The following NCALD variants were observed in gnomAD, a reference collection of about 807,000 sequenced individuals.
NCALD encodes neurocalcin delta, also known as neurocalcin-delta.
In NCALD, 10 loss-of-function variants were observed where a neutral mutation model predicts 18.6. That is an observed-to-expected ratio of 0.54 (90% CI 0.33 to 0.91). The LOEUF (loss-of-function observed/expected upper bound fraction) is 0.91. Ranked by LOEUF, NCALD falls within the 40% of genes least tolerant of loss-of-function variation. The pLI is 0.03. For synonymous variants in NCALD, 88 were observed against 87.4 expected (o/e 1.01, Z -0.04); for missense variants, 184 against 247.6 (o/e 0.74, Z 1.72).
chr8:101,863,605 C>T (rs1815636206), intron 4 of NCALD, among the ~76,000 whole-genome samples: 1 of 152,166 alleles, frequency 6.6e-6, no homozygotes, highest in Non-Finnish European at 1.5e-5. Context: ...TGTGGGAGGG[C>T]AGGTCTCCAT....
chr8:101,809,333 G>A (rs1813223371), intron 4 of NCALD, among the ~76,000 whole-genome samples: 1 of 152,110 alleles, frequency 6.6e-6, no homozygotes, highest in Non-Finnish European at 1.5e-5. Flanking sequence ...CCTTTTTGCA[G>A]TTTGAATGAG....
intron 4 of NCALD, among the ~76,000 whole-genome samples, chr8:101,831,697 C>T (rs1402215909): frequency 1.3e-5 from 2 of 152,100 alleles, no homozygotes; most frequent in Non-Finnish European, 2.9e-5. Context: ...CTTTCCTGTG[C>T]CCCCAGCATC....
intron 3 of NCALD, among the ~76,000 whole-genome samples, chr8:101,889,279 C>G (rs1185171802): frequency 6.6e-6 from 1 of 152,190 alleles, no homozygotes; most frequent in African/African-American, 2.4e-5. Flanking sequence ...TGCTTCTAGG[C>G]TGTTACATGA....
intron 2 of NCALD, among the ~76,000 whole-genome samples, chr8:101,709,948 T>G (rs368277903): frequency 5.3e-5 from 8 of 152,194 alleles, no homozygotes; most frequent in African/African-American, 1.9e-4. Flanking sequence ...GTTCCTAAAT[T>G]TGTCACTTAT....
At chr8:101,891,150 C>A (rs1816859110) in intron 3 of NCALD, among the ~76,000 whole-genome samples, 1 of 151,734 alleles carries the variant, frequency 6.6e-6, no homozygotes, top group African/African-American at 2.4e-5. Context: ...TTTTTTTTTA[C>A]ATTTCCACAT....
intron 4 of NCALD, among the ~76,000 whole-genome samples, chr8:101,796,466 G>C (rs938064869): frequency 2.0e-5 from 3 of 152,000 alleles, no homozygotes; most frequent in Non-Finnish European, 2.9e-5. Context: ...GCAAACTGGA[G>C]AATCCTCACG....
At chr8:101,815,600 C>A (rs893843118) in intron 4 of NCALD, among the ~76,000 whole-genome samples, 1 of 152,036 alleles carries the variant, frequency 6.6e-6, no homozygotes, top group African/African-American at 2.4e-5. Context: ...AAATGAGATA[C>A]TACAACACAT....
chr8:101,872,013 G>A (rs1435214961), intron 4 of NCALD: 29 of 993,798 alleles, frequency 2.9e-5, no homozygotes, highest in Middle Eastern at 3.0e-4. Flanking sequence ...CCAGAGGACC[G>A]ATCAACTGAG....
At chr8:102,082,226 C>CTTTTTTTTTTTTTTTT (rs757875219) in intron 1 of NCALD, among the ~76,000 whole-genome samples, 1 of 71,832 alleles carries the variant, frequency 1.4e-5, no homozygotes, top group African/African-American at 6.9e-5. Flanking sequence ...GAAGCTCTCT[C>CTTTTTTTTTTTTTTTT]TTTTTTTTTT....
intron 4 of NCALD, among the ~76,000 whole-genome samples, chr8:101,883,591 T>C (rs1301102526): frequency 1.3e-5 from 2 of 152,206 alleles, no homozygotes; most frequent in East Asian, 1.9e-4. Flanking sequence ...TTCTTCGAAG[T>C]CTTTGACCGT....
chr8:101,868,046 C>T lies in NCALD; in HGVS notation c.-20+19095G>A, dbSNP rs75569797. Among the ~76,000 whole-genome samples the T allele has an allele frequency of 4.1e-3, 625 of 152,228 alleles. 5 individuals carry two copies. The highest frequency in any genetic ancestry group is 0.013 in the African/African-American group (558 of 41,524). On this transcript the variant is annotated intron_variant, in intron 4 of 6. Coordinates refer to the NCALD transcript ENST00000311028. ...TGCTAAGATGTAGCAACACTGGGCCCCTTTCCCTGGCACTGTATTTCTACT... is the reference window on the plus strand; with the variant it reads ...TGCTAAGATGTAGCAACACTGGGCCTCTTTCCCTGGCACTGTATTTCTACT...
chr8:101,915,287 GGTGA>G (rs1301347734), intron 3 of NCALD, among the ~76,000 whole-genome samples: 1 of 152,076 alleles, frequency 6.6e-6, no homozygotes, highest in Non-Finnish European at 1.5e-5. Flanking sequence ...GCCTTGCAGT[GGTGA>G]GGACCTTGCA....
chr8:101,867,565 A>C (rs1158712081), intron 4 of NCALD, among the ~76,000 whole-genome samples: 3 of 152,216 alleles, frequency 2.0e-5, no homozygotes, highest in African/African-American at 7.2e-5. Context: ...TTGGACTTTA[A>C]TTCCTCTGGA....
At chr8:101,861,799 T>TG (rs1044769194) in intron 4 of NCALD, among the ~76,000 whole-genome samples, 94 of 152,288 alleles carry the variant, frequency 6.2e-4, no homozygotes, top group Middle Eastern at 3.4e-3. Context: ...GGAAGGCAGA[T>TG]GAGAAAATTA....
intron 1 of NCALD, among the ~76,000 whole-genome samples, chr8:102,072,410 A>G (rs1298008727): frequency 1.3e-5 from 2 of 152,178 alleles, no homozygotes; most frequent in Non-Finnish European, 2.9e-5. Context: ...AGATTTGTCA[A>G]GAGAAATATA....
chr8:101,737,704 T>A (rs967250393), intron 1 of NCALD, among the ~76,000 whole-genome samples: 3 of 152,230 alleles, frequency 2.0e-5, no homozygotes, highest in African/African-American at 7.2e-5. Flanking sequence ...CTTGGAGTCT[T>A]CCTTGGTGTT....
chr8:101,810,598 A>G (rs572157593), intron 4 of NCALD, among the ~76,000 whole-genome samples: 1 of 152,304 alleles, frequency 6.6e-6, no homozygotes, highest in East Asian at 1.9e-4. Context: ...GTAGCATCTG[A>G]TGACAGTATA....
chr8:102,032,733 G>GTCCACTGCA (rs1214548311), intron 1 of NCALD, among the ~76,000 whole-genome samples: 1 of 151,610 alleles, frequency 6.6e-6, no homozygotes, highest in Non-Finnish European at 1.5e-5. Flanking sequence ...ACAAAAGGAC[G>GTCCACTGCA]TCCACTGCAG....
chr8:101,714,155 G>C (rs1815949429), intron 2 of NCALD, among the ~76,000 whole-genome samples: 2 of 152,198 alleles, frequency 1.3e-5, no homozygotes, highest in Non-Finnish European at 1.5e-5. Flanking sequence ...AATCAGGAAA[G>C]AGAAAGAAAT....
Sources: allele counts gnomAD v4.1 joint callset (sites outside exome capture counted in the v4.1 genomes callset), GRCh38; gene constraint gnomAD v4.1.1; transcripts MANE v1.5; gene names NCBI Gene and HGNC (gene_info 2026-07-23, HGNC 2026-07-21).